The following XRCC4 variants were observed in gnomAD, a reference collection of about 807,000 sequenced individuals.
XRCC4 encodes the protein DNA repair protein XRCC4.
In XRCC4, 28 loss-of-function variants were observed where a neutral mutation model predicts 39.1. The ratio of observed to expected loss-of-function variants is 0.72; its 90% CI spans 0.53 to 0.98. XRCC4 has a LOEUF of 0.98. XRCC4 is among the 50% of genes least tolerant of loss of function. The probability of loss-of-function intolerance (pLI) is 0.00; values close to 1 mark genes in which losing one functional copy is unlikely to be tolerated. For synonymous variants in XRCC4, 123 were observed against 126.4 expected (o/e 0.97, Z 0.18); for missense variants, 350 against 376.4 (o/e 0.93, Z 0.58).
At chr5:83,116,218 G>C (rs1746703167) in intron 3 of XRCC4, among the ~76,000 whole-genome samples, 1 of 152,088 alleles carries the variant, frequency 6.6e-6, no homozygotes. Context: ...TCTGATTGTT[G>C]CCAAAAATGA....
intron 7 of XRCC4, among the ~76,000 whole-genome samples, chr5:83,312,042 C>T (rs929367362): frequency 6.6e-6 from 1 of 152,170 alleles, no homozygotes. Flanking sequence ...AACATATATT[C>T]TGCCACCACC....
chr5:83,349,282 G>A (rs1209041951), intron 7 of XRCC4, among the ~76,000 whole-genome samples: 1 of 152,150 alleles, frequency 6.6e-6, no homozygotes, highest in Non-Finnish European at 1.5e-5. Flanking sequence ...GAGGATTACA[G>A]TTCAAAAAGA....
At chr5:83,271,293 A>G (rs1300283005) in intron 7 of XRCC4, among the ~76,000 whole-genome samples, 1 of 152,192 alleles carries the variant, frequency 6.6e-6, no homozygotes, top group African/African-American at 2.4e-5. Context: ...AATATCATAG[A>G]TTATTATGTA....
chr5:83,140,546 T>G (rs1748119466), intron 3 of XRCC4, among the ~76,000 whole-genome samples: 1 of 152,186 alleles, frequency 6.6e-6, no homozygotes, highest in Non-Finnish European at 1.5e-5. Flanking sequence ...CACACCGAGA[T>G]ACAATATTTT....
chr5:83,090,227 G>A (rs1469763658), intron 1 of XRCC4, among the ~76,000 whole-genome samples: 1 of 152,098 alleles, frequency 6.6e-6, no homozygotes, highest in African/African-American at 2.4e-5. Context: ...ATTCCCACGT[G>A]TTGTGGGAGA....
intron 3 of XRCC4, among the ~76,000 whole-genome samples, chr5:83,146,727 C>T (rs1427349511): frequency 6.6e-6 from 1 of 152,182 alleles, no homozygotes; most frequent in Non-Finnish European, 1.5e-5. Flanking sequence ...AAAAGTGACA[C>T]ACCCACAAAC....
At chr5:83,254,337 C>T (rs1753445147) in intron 6 of XRCC4, among the ~76,000 whole-genome samples, 3 of 152,168 alleles carry the variant, frequency 2.0e-5, no homozygotes. Context: ...CATATTTATC[C>T]TGTCTCATTT....
intron 6 of XRCC4, among the ~76,000 whole-genome samples, chr5:83,242,894 A>T (rs1048600054): frequency 1.3e-5 from 2 of 152,206 alleles, no homozygotes; most frequent in African/African-American, 4.8e-5. Flanking sequence ...GAGATTAAGT[A>T]GTTTGCTCAA....
chr5:83,322,548 A>G (rs1580510983), intron 7 of XRCC4, among the ~76,000 whole-genome samples: 1 of 152,282 alleles, frequency 6.6e-6, no homozygotes, highest in East Asian at 1.9e-4. Context: ...TGCGAATGTT[A>G]TCATATGGCA....
At chr5:83,321,714 T>C (rs2112133782) in intron 7 of XRCC4, among the ~76,000 whole-genome samples, 1 of 152,232 alleles carries the variant, frequency 6.6e-6, no homozygotes, top group Non-Finnish European at 1.5e-5. Flanking sequence ...CATGGGGTTT[T>C]TAACTCCACA....
chr5:83,176,628 A>ATC (rs1554061489), intron 3 of XRCC4, among the ~76,000 whole-genome samples: 1 of 145,746 alleles, frequency 6.9e-6, no homozygotes, highest in Non-Finnish European at 1.5e-5. Flanking sequence ...AAGTATTGGA[A>ATC]TTTTTTTTTT....
chr5:83,282,820 C>T (rs1442369508), intron 7 of XRCC4, among the ~76,000 whole-genome samples: 5 of 151,706 alleles, frequency 3.3e-5, no homozygotes, highest in South Asian at 2.1e-4. Flanking sequence ...CCAGCCTGGG[C>T]GACAGAGCAA....
chr5:83,156,465 TTGAC>T (rs1487437186), intron 3 of XRCC4, among the ~76,000 whole-genome samples: 1 of 152,190 alleles, frequency 6.6e-6, no homozygotes, highest in East Asian at 1.9e-4. Context: ...ATTTTCCTGA[TTGAC>T]AAAGAAAAAA....
At chr5:83,217,561 C>A (rs1751912682) in intron 6 of XRCC4, among the ~76,000 whole-genome samples, 1 of 151,600 alleles carries the variant, frequency 6.6e-6, no homozygotes, top group African/African-American at 2.4e-5. Context: ...TTGATAAATC[C>A]CTAATATTTT....
At chr5:83,267,806 C>G (rs761818474) in intron 7 of XRCC4, among the ~76,000 whole-genome samples, 9 of 152,116 alleles carry the variant, frequency 5.9e-5, no homozygotes, top group Non-Finnish European at 1.3e-4. Flanking sequence ...AAAAGAAGGG[C>G]TATCCTATCA....
At chr5:83,263,294 G>A (rs997199380) in intron 7 of XRCC4, among the ~76,000 whole-genome samples, 25 of 151,946 alleles carry the variant, frequency 1.6e-4, no homozygotes, top group Admixed American at 1.4e-3. Flanking sequence ...GAACAATGCC[G>A]CAGTAAACAT....
chr5:83,339,423 A>G (rs1276905559), intron 7 of XRCC4, among the ~76,000 whole-genome samples: 2 of 148,248 alleles, frequency 1.3e-5, no homozygotes, highest in Non-Finnish European at 3.0e-5. Context: ...GAGTTGAACA[A>G]TGGGAACACA....
chr5:83,316,184 T>A (rs1313049274), intron 7 of XRCC4, among the ~76,000 whole-genome samples: 1 of 152,036 alleles, frequency 6.6e-6, no homozygotes, highest in Non-Finnish European at 1.5e-5. Flanking sequence ...GAATTAGAAG[T>A]GTAGTCTGCA....
chr5:83,135,988 T>C (rs2112500483), intron 3 of XRCC4, among the ~76,000 whole-genome samples: 1 of 152,342 alleles, frequency 6.6e-6, no homozygotes, highest in East Asian at 1.9e-4. Context: ...AGTATATTTG[T>C]ATATTCCTAT....
Sources: allele counts gnomAD v4.1 joint callset (sites outside exome capture counted in the v4.1 genomes callset), GRCh38; gene constraint gnomAD v4.1.1; transcripts MANE v1.5; gene names NCBI Gene and HGNC (gene_info 2026-07-23, HGNC 2026-07-21).